Variants in MICAL3 observed in about 807,000 individuals in gnomAD.
The protein encoded by MICAL3 is [F-actin]-monooxygenase MICAL3.
In MICAL3, 62 loss-of-function variants were observed where a neutral mutation model predicts 207.4. The ratio of observed to expected loss-of-function variants is 0.30; its 90% CI spans 0.24 to 0.37. MICAL3 has a LOEUF of 0.37. Among genes scored for constraint, MICAL3 ranks in the 10% least tolerant of loss-of-function variants. MICAL3 has a pLI of 1.00. For missense variants in MICAL3, 2,368 were observed against 2,635.6 expected (o/e 0.90, Z 2.22); for synonymous variants, 1,077 against 1,069.3 (o/e 1.01, Z -0.14).
chr22:17,821,579 C>G, intron 24 of MICAL3, 70 bp from the exon 25 acceptor site: 2 of 1,310,994 alleles, frequency 1.5e-6, no homozygotes, highest in African/African-American at 3.0e-5. Context: ...CCCCTATCAG[C>G]CAGCCCCAGA....
chr22:18,015,017 C>G (rs1307115783), intron 1 of MICAL3, among the ~76,000 whole-genome samples: 1 of 151,610 alleles, frequency 6.6e-6, no homozygotes, highest in African/African-American at 2.4e-5. Context: ...GTTGCTTGTA[C>G]TAAGATTTCT....
intron 19 of MICAL3, among the ~76,000 whole-genome samples, chr22:17,843,364 T>C (rs9618141): frequency 0.15 from 22,595 of 152,066 alleles, 2,816 homozygotes; most frequent in African/African-American, 0.34. Flanking sequence ...CAGAGGAGGC[T>C]GTCATGAGTC....
chr22:18,019,432 C>G (rs1261161617), intron 1 of MICAL3: 1 of 153,084 alleles, frequency 6.5e-6, no homozygotes, highest in Non-Finnish European at 1.5e-5. Flanking sequence ...CAGTGTCTCA[C>G]GCCGGTAATC....
intron 1 of MICAL3, among the ~76,000 whole-genome samples, chr22:17,963,179 C>T (rs1207836354): frequency 2.0e-5 from 3 of 152,126 alleles, no homozygotes; most frequent in Non-Finnish European, 4.4e-5. Context: ...GTGGGGTGAT[C>T]TCAGCTCGCT....
rs139848236 is a variant in MICAL3, at chr22:17,883,989, C to T, written c.2241+1889G>A. 5.8e-3 allele frequency among the ~76,000 whole-genome samples: 889 copies of T among 152,286 alleles called. 5 individuals carry two copies. Among genetic ancestry groups the T allele is most frequent in the Non-Finnish European group, 7.1e-3 (481 of 68,030 alleles). The stretch of plus-strand genomic sequence containing the variant: ...TGTGACAACAGCAAACCCAAGAGCG[C>T]GGGTACCCTTGGGTGAGCCACCTAC... On this transcript the variant is annotated intron_variant, in intron 16 of 31. Transcript: ENST00000441493.
Position 17,817,523 on chromosome 22 carries a change from T to G in MICAL3, c.5138A>C (p.Lys1713Thr), listed in dbSNP as rs757401602. The change falls in exon 26 of 32, where the codon AAG becomes ACG. Residue 1713 changes from lysine (K) to threonine (T), a missense_variant. Lys to Thr is a moderately conservative substitution (Grantham distance 78). This residue lies in a region of MICAL3 where 1,770 missense variants were observed against 1,863.2 expected (regional missense o/e 0.95). Coordinates refer to ENST00000441493, the MANE Select transcript of MICAL3 (RefSeq NM_015241.3). ...CGGGGGCCGGCCCTCGCCTTTGGAC[T>G]TCTTCTCCTTCTTGTTTCTGCGGGG... is the stretch of plus-strand genomic sequence containing the variant. ...FSPRRNKKEKKSKGEGRPPEK... is the reference protein window; with the variant it reads ...FSPRRNKKEKTSKGEGRPPEK... The G allele has an allele frequency of 2.1e-5, 34 of 1,613,440 alleles. No individual in the cohort carries two copies. Among genetic ancestry groups the G allele is most frequent in the Non-Finnish European group, 2.6e-5 (31 of 1,179,800 alleles).
intron 29 of MICAL3, 37 bp downstream of exon 29, chr22:17,808,807 C>G (rs1259921107): frequency 9.8e-6 from 15 of 1,531,528 alleles, no homozygotes; most frequent in Middle Eastern, 1.7e-4. Flanking sequence ...GGAGGGCTTC[C>G]TCCAGGAGCA....
intron 16 of MICAL3, among the ~76,000 whole-genome samples, chr22:17,878,347 G>T (rs1243485765): frequency 1.3e-5 from 2 of 152,178 alleles, no homozygotes; most frequent in East Asian, 1.9e-4. Flanking sequence ...CCCAGAAAGG[G>T]TGAGCACCGT....
intron 29 of MICAL3, among the ~76,000 whole-genome samples, chr22:17,802,772 G>A (rs7287891): frequency 0.017 from 2,645 of 152,238 alleles, 68 homozygotes; most frequent in African/African-American, 0.06. Context: ...CCATTCTTCT[G>A]TTTGAAGACC....
intron 16 of MICAL3, among the ~76,000 whole-genome samples, 180 bp from the exon 17 acceptor site, chr22:17,872,203 C>A (rs1001659784): frequency 6.6e-5 from 10 of 152,248 alleles, no homozygotes; most frequent in African/African-American, 2.4e-4. Flanking sequence ...GACGGCACCG[C>A]CACAGTCACT....
In MICAL3 at chr22:17,789,192, G is replaced by C. The variant is rs992535918; in HGVS notation, c.*1540C>G. ...GGTGCCCGTCGCCTTCGGAAGGAAG[G>C]GCGGGAGTCGCTGATCTGCTTGAGA... On this transcript the variant is annotated 3_prime_UTR_variant, in exon 32 of 32. Coordinates refer to ENST00000441493, the MANE Select transcript of MICAL3 (RefSeq NM_015241.3). 3.8e-5 allele frequency: 4 copies of C among 105,242 alleles called. No homozygotes were observed. Among genetic ancestry groups the C allele is most frequent in the South Asian group, 2.8e-4 (1 of 3,536 alleles). The allele number at this position is 105,242 out of a possible 1,614,324, so 6.5% of individuals were successfully genotyped here. A position where few individuals can be genotyped will look rare whatever the true frequency, so the allele number is the denominator to read the frequency against.
At chr22:17,976,577 ATATATATATATATTT>A (rs1346573326) in intron 1 of MICAL3, among the ~76,000 whole-genome samples, 2 of 91,788 alleles carry the variant, frequency 2.2e-5, no homozygotes, top group African/African-American at 1.1e-4. Context: ...ATATATATAT[ATATATATATATATTT>A]TTTTTTTTTT....
chr22:17,865,901 A>G, intron 18 of MICAL3, 23 bp downstream of exon 18: 1 of 1,591,756 alleles, frequency 6.3e-7, no homozygotes, highest in Non-Finnish European at 8.6e-7. Context: ...CTTCTCCCCC[A>G]CTTACAGGAG....
intron 20 of MICAL3, among the ~76,000 whole-genome samples, chr22:17,834,842 C>T (rs1923193937): frequency 6.6e-6 from 1 of 152,218 alleles, no homozygotes; most frequent in African/African-American, 2.4e-5. Flanking sequence ...TAACCTAGTG[C>T]ATGTCATTTA....
intron 1 of MICAL3, among the ~76,000 whole-genome samples, chr22:17,988,106 TG>T (rs1921234089): frequency 6.6e-6 from 1 of 152,140 alleles, no homozygotes; most frequent in Non-Finnish European, 1.5e-5. Context: ...ACAATGCTGA[TG>T]GAAGTCTGCG....
rs1455776887 is a variant in MICAL3, at chr22:17,900,781, A to C, written c.847+61T>G. 1.9e-6 allele frequency: 3 copies of C among 1,541,246 alleles called. No individual in the cohort carries two copies. The highest frequency in any genetic ancestry group is 1.4e-5 in the African/African-American group (1 of 72,898). ...CCACTCACCCCACCAATCCCCCAAG[A>C]AAAAGCCACCAGGGACTATTTAAGT... On this transcript the variant is annotated intron_variant, in intron 6 of 31. Transcript: ENST00000441493. This position sits in a 1 kb window ranked among gnomAD's most constrained non-coding sequence, Gnocchi z 4.0.
In MICAL3 at chr22:17,896,276, C is replaced by G; in HGVS notation, c.1292G>C (p.Gly431Ala). 6.4e-7 allele frequency: 1 copy of G among 1,558,666 alleles called. No homozygotes were observed. The highest frequency in any genetic ancestry group is 8.7e-7 in the Non-Finnish European group (1 of 1,150,834). Residue 431 changes from glycine to alanine, a missense_variant, in exon 9 of 32, where the codon GGA (glycine) becomes GCA (alanine). By Grantham distance (60) the Gly-to-Ala change is moderately conservative (BLOSUM62 0). Around this residue, in one of 4 missense-constraint regions of MICAL3, gnomAD observed 147 missense variants for 137.7 expected, o/e 1.07. Transcript: ENST00000441493. The stretch of plus-strand genomic sequence containing the variant: ...TGCCAGCACTTCCAAAGGGCTCGTT[C>G]CTAGAGACCAACTTCGGACCATCCA... ...SAWMVRSWSL[G>A]TSPLEVLAER...
intron 19 of MICAL3, among the ~76,000 whole-genome samples, chr22:17,859,873 A>G (rs1214844266): frequency 6.6e-6 from 1 of 152,232 alleles, no homozygotes; most frequent in African/African-American, 2.4e-5. Context: ...CCTGAGGCCC[A>G]TGGGCACAGG....
chr22:17,852,473 C>T (rs919690292), intron 19 of MICAL3, among the ~76,000 whole-genome samples: 2 of 152,186 alleles, frequency 1.3e-5, no homozygotes, highest in African/African-American at 4.8e-5. Context: ...AACAAGCAGA[C>T]AGACACTAAG....
Sources: allele counts gnomAD v4.1 joint callset (sites outside exome capture counted in the v4.1 genomes callset), GRCh38; gene constraint gnomAD v4.1.1; regional missense constraint gnomAD v4.1.1; non-coding constraint Gnocchi (gnomAD v3.1); transcripts MANE v1.5; gene names NCBI Gene and HGNC (gene_info 2026-07-23, HGNC 2026-07-21).